XKR4: variants seen among roughly 807,000 people sequenced by gnomAD.
XKR4 encodes XK-related protein 4.
Under a neutral mutation model 53.9 loss-of-function variants are expected in XKR4, and 12 were observed. That is an observed-to-expected ratio of 0.22 (90% confidence interval 0.14 to 0.36). XKR4 has a LOEUF of 0.36. XKR4 is among the 10% of genes least tolerant of loss of function. The pLI, the probability that XKR4 is intolerant of heterozygous loss-of-function variation, is 1.00. For missense variants in XKR4, 799 were observed against 859.5 expected (o/e 0.93, Z 0.88); for synonymous variants, 354 against 362.4 (o/e 0.98, Z 0.26).
chr8:55,106,429 T>A (rs1816147974), intron 1 of XKR4, among the ~76,000 whole-genome samples: 2 of 152,160 alleles, frequency 1.3e-5, no homozygotes, highest in African/African-American at 4.8e-5. Context: ...TTTGAAATAA[T>A]AAAGTGAATT....
intron 2 of XKR4, among the ~76,000 whole-genome samples, chr8:55,419,570 A>G (rs538950819): frequency 3.2e-4 from 48 of 152,378 alleles, no homozygotes; most frequent in African/African-American, 1.1e-3. Flanking sequence ...TAATTGAACT[A>G]TCTCCCTGAG....
intron 1 of XKR4, among the ~76,000 whole-genome samples, chr8:55,104,441 T>C (rs1816110346): frequency 6.6e-6 from 1 of 152,200 alleles, no homozygotes; most frequent in South Asian, 2.1e-4. Flanking sequence ...TTCAATTTTA[T>C]TTGTGGCTAT....
chr8:55,251,564 A>G (rs1178799386), intron 1 of XKR4, among the ~76,000 whole-genome samples: 1 of 152,248 alleles, frequency 6.6e-6, no homozygotes, highest in Non-Finnish European at 1.5e-5. Context: ...GAAAATAGTA[A>G]GTAGCTATTT....
At position 55,536,683 on chromosome 8, in the gene XKR4, T is replaced by C. The variant is rs1807036561; in HGVS notation, c.*12456T>C. ...ATTCTGCTGCTAAAAGTCTCTTTGTTGTGCCAAGAGAAATAATGCAGAACA... is the reference window on the plus strand; with the variant it reads ...ATTCTGCTGCTAAAAGTCTCTTTGTCGTGCCAAGAGAAATAATGCAGAACA... On this transcript the variant is annotated 3_prime_UTR_variant, in exon 3 of 3. Transcript: ENST00000327381. 1 of 152,260 alleles carries C rather than the reference T, an allele frequency of 6.6e-6. No individual in the cohort carries two copies. Among genetic ancestry groups the C allele is most frequent in the Non-Finnish European group, 1.5e-5 (1 of 68,050 alleles). The allele number at this position is 152,260 out of a possible 1,614,324, so 9.4% of individuals were successfully genotyped here.
intron 1 of XKR4, among the ~76,000 whole-genome samples, chr8:55,114,283 A>T (rs1212104441): frequency 6.6e-6 from 1 of 152,106 alleles, no homozygotes; most frequent in East Asian, 1.9e-4. Flanking sequence ...CTGGTGTAAG[A>T]TGGTACTCTT....
intron 1 of XKR4, among the ~76,000 whole-genome samples, chr8:55,299,908 A>G (rs909443144): frequency 6.6e-6 from 1 of 152,048 alleles, no homozygotes; most frequent in Non-Finnish European, 1.5e-5. Flanking sequence ...TTTGTACCGG[A>G]GATACAGATT....
chr8:55,407,840 A>G (rs945630446), intron 2 of XKR4, among the ~76,000 whole-genome samples: 3 of 152,336 alleles, frequency 2.0e-5, no homozygotes, highest in Admixed American at 2.0e-4. Context: ...TTTTGCTTTT[A>G]CACTTTCAGA....
intron 2 of XKR4, among the ~76,000 whole-genome samples, chr8:55,413,313 C>G (rs1444973325): frequency 6.6e-6 from 1 of 152,198 alleles, no homozygotes; most frequent in Non-Finnish European, 1.5e-5. Context: ...ACCTCCACCT[C>G]ACGGGCTCAA....
intron 2 of XKR4, among the ~76,000 whole-genome samples, chr8:55,463,647 GA>G (rs2129398523): frequency 6.6e-6 from 1 of 152,178 alleles, no homozygotes; most frequent in Admixed American, 6.5e-5. Context: ...GAAGGAAATA[GA>G]GAAATAAAAA....
At chr8:55,118,728 T>A (rs1317293361) in intron 1 of XKR4, among the ~76,000 whole-genome samples, 2 of 152,226 alleles carry the variant, frequency 1.3e-5, no homozygotes, top group African/African-American at 4.8e-5. Flanking sequence ...TCACCAACTT[T>A]ATTCTGGTCC....
intron 1 of XKR4, among the ~76,000 whole-genome samples, chr8:55,191,065 C>A (rs888148215): frequency 7.9e-5 from 12 of 152,148 alleles, no homozygotes; most frequent in Non-Finnish European, 1.5e-4. Flanking sequence ...ATGGAGTTTG[C>A]CTTAGTCTGT....
At chr8:55,243,844 G>A (rs779492640) in intron 1 of XKR4, among the ~76,000 whole-genome samples, 6 of 152,196 alleles carry the variant, frequency 3.9e-5, no homozygotes, top group Non-Finnish European at 7.4e-5. Flanking sequence ...GGTGACGGTC[G>A]GATCTCCCTG....
intron 1 of XKR4, among the ~76,000 whole-genome samples, chr8:55,352,940 G>A (rs1397806545): frequency 6.6e-6 from 1 of 152,220 alleles, no homozygotes; most frequent in African/African-American, 2.4e-5. Context: ...CAACTTAATG[G>A]ATGGAAGTGT....
chr8:55,523,843 A>G lies in XKR4; in HGVS notation c.1569A>G (p.Ser523=). 1 of 1,614,186 alleles carries G rather than the reference A, an allele frequency of 6.2e-7. No homozygotes were observed. Among genetic ancestry groups the G allele is most frequent in the Admixed American group, 1.7e-5 (1 of 60,032 alleles). The change falls in exon 3 of 3, where the codon TCA becomes TCG. Residue 523 remains serine (S), a synonymous_variant. Transcript: ENST00000327381. ...CCAATGGACCCAGATTCGGGCAGTC[A>G]CCAAGTTGTGCTTGTGAGGACCCAG... is the stretch of plus-strand genomic sequence containing the variant. ...FHPNGPRFGQ[S]PSCACEDPAA...
At chr8:55,428,842 T>A (rs1436979924) in intron 2 of XKR4, among the ~76,000 whole-genome samples, 2 of 152,232 alleles carry the variant, frequency 1.3e-5, no homozygotes, top group African/African-American at 4.8e-5. Context: ...AGCAAAGTCG[T>A]CAATTCTTCC....
intron 1 of XKR4, among the ~76,000 whole-genome samples, chr8:55,257,121 G>A (rs114810704): frequency 6.6e-6 from 1 of 152,200 alleles, no homozygotes; most frequent in Non-Finnish European, 1.5e-5. Flanking sequence ...TAGGAATTTT[G>A]GGGGAACACC....
chr8:55,127,143 C>G (rs1163926629), intron 1 of XKR4, among the ~76,000 whole-genome samples: 1 of 152,104 alleles, frequency 6.6e-6, no homozygotes, highest in African/African-American at 2.4e-5. Flanking sequence ...CACTTTTCAC[C>G]TATTCTCGTA....
In XKR4 at chr8:55,541,331, T is replaced by C. The variant is rs916872301; in HGVS notation, c.*17104T>C. 1.3e-5 allele frequency: 2 copies of C among 152,220 alleles called. No individual in the cohort carries two copies. The allele number at this position is 152,220 out of a possible 1,614,324, so 9.4% of individuals were successfully genotyped here. A position where few individuals can be genotyped will look rare whatever the true frequency, so the allele number is the denominator to read the frequency against. ...TCCTCATTTCCACTCAACATCAAGA[T>C]AAGCTGCTCTATATTTGCTTAATTT... On this transcript the variant is annotated 3_prime_UTR_variant, in exon 3 of 3. Transcript: ENST00000327381.
At chr8:55,453,330 G>T in intron 2 of XKR4, 1 of 479,156 alleles carries the variant, frequency 2.1e-6, no homozygotes, top group South Asian at 1.5e-5. Flanking sequence ...AACTGCTGGT[G>T]GTCCAGGACC....
Sources: gnomAD v4.1 joint callset for allele counts (sites outside exome capture counted in the v4.1 genomes callset) on GRCh38, gnomAD v4.1.1 for gene constraint, MANE v1.5 for transcripts, NCBI Gene and HGNC (gene_info 2026-07-23, HGNC 2026-07-21) for gene names.